The following HHAT variants were observed in gnomAD, a reference collection of about 807,000 sequenced individuals.
HHAT encodes hedgehog acyltransferase.
HHAT carries 47 observed loss-of-function variants against 70.8 expected under a neutral mutation model. The ratio of observed to expected loss-of-function variants is 0.66; its 90% confidence interval spans 0.53 to 0.85. HHAT has a LOEUF of 0.85. Among genes scored for constraint, HHAT ranks in the 40% least tolerant of loss-of-function variants. The pLI is 0.00. For synonymous variants in HHAT, 228 were observed against 247.6 expected (o/e 0.92, Z 0.74); for missense variants, 609 against 604.8 (o/e 1.01, Z -0.07).
chr1:210,521,214 A>C (rs1490622823), intron 9 of HHAT, among the ~76,000 whole-genome samples: 1 of 152,200 alleles, frequency 6.6e-6, no homozygotes, highest in Non-Finnish European at 1.5e-5. Context: ...TTTTGTTCTG[A>C]TGAGAGAGAA....
intron 7 of HHAT, among the ~76,000 whole-genome samples, chr1:210,441,837 T>C (rs1251036263): frequency 6.6e-6 from 1 of 151,468 alleles, no homozygotes; most frequent in African/African-American, 2.4e-5. Context: ...CACACACATA[T>C]ATACACACAC....
Position 210,436,024 on chromosome 1 carries a change from A to T in HHAT, c.856+17699A>T, listed in dbSNP as rs181959627. On this transcript the variant is annotated intron_variant, in intron 7 of 11. Coordinates refer to ENST00000261458, the MANE Select transcript of HHAT (RefSeq NM_018194.6). ...CCTGTGGTTTTGAGGCCTTGCCTAGAATCTTTGCCCAGACCAGTGTCCTGG... is the reference window on the plus strand; with the variant it reads ...CCTGTGGTTTTGAGGCCTTGCCTAGTATCTTTGCCCAGACCAGTGTCCTGG... 1.1e-3 allele frequency among the ~76,000 whole-genome samples: 163 copies of T among 151,958 alleles called. 3 individuals carry two copies. The highest frequency in any genetic ancestry group is 4.1e-3 in the Admixed American group (63 of 15,280).
intron 8 of HHAT, among the ~76,000 whole-genome samples, chr1:210,497,089 C>T (rs377501855): frequency 1.3e-5 from 2 of 152,076 alleles, no homozygotes. Context: ...TGAGTGTGGT[C>T]TGAGTAATGA....
intron 7 of HHAT, among the ~76,000 whole-genome samples, chr1:210,432,012 T>C (rs1477429090): frequency 6.6e-6 from 1 of 151,930 alleles, no homozygotes; most frequent in Non-Finnish European, 1.5e-5. Flanking sequence ...TTTGCAGTCC[T>C]ATTCTATATC....
intron 11 of HHAT, among the ~76,000 whole-genome samples, chr1:210,629,800 C>T (rs191245176): frequency 6.6e-6 from 1 of 151,594 alleles, no homozygotes; most frequent in Non-Finnish European, 1.5e-5. Flanking sequence ...ATATCTGCCT[C>T]TTGTCTTGCT....
At chr1:210,545,307 G>A (rs1229225249) in intron 9 of HHAT, among the ~76,000 whole-genome samples, 1 of 152,066 alleles carries the variant, frequency 6.6e-6, no homozygotes, top group Non-Finnish European at 1.5e-5. Flanking sequence ...TCCCTTGGAT[G>A]CCCATTTTCT....
intron 4 of HHAT, among the ~76,000 whole-genome samples, chr1:210,394,362 A>G (rs977122455): frequency 6.7e-6 from 1 of 149,456 alleles, no homozygotes; most frequent in Non-Finnish European, 1.5e-5. Context: ...GTGAGACTTC[A>G]TCAGGAGCCA....
intron 10 of HHAT, among the ~76,000 whole-genome samples, chr1:210,615,336 C>T (rs959627115): frequency 5.9e-5 from 9 of 152,110 alleles, no homozygotes; most frequent in South Asian, 2.1e-4. Flanking sequence ...GTTAGCCATT[C>T]GTCTAATCTT....
At chr1:210,414,771 G>A (rs1010706811) in intron 6 of HHAT, among the ~76,000 whole-genome samples, 3 of 152,068 alleles carry the variant, frequency 2.0e-5, no homozygotes, top group Non-Finnish European at 2.9e-5. Flanking sequence ...TAATCCTAGC[G>A]CTTTGGGAGG....
intron 9 of HHAT, among the ~76,000 whole-genome samples, chr1:210,540,471 G>GCA (rs71571954): frequency 2.8e-4 from 25 of 89,394 alleles, no homozygotes; most frequent in African/African-American, 8.6e-4. Flanking sequence ...ACACACACAC[G>GCA]CACACACATG....
intron 8 of HHAT, among the ~76,000 whole-genome samples, chr1:210,494,683 C>T (rs1005751261): frequency 6.7e-6 from 1 of 150,152 alleles, no homozygotes; most frequent in African/African-American, 2.5e-5. Flanking sequence ...TTCTGAGTAG[C>T]TGGGATTACA....
At chr1:210,612,043 T>G (rs973583236) in intron 10 of HHAT, among the ~76,000 whole-genome samples, 3 of 152,102 alleles carry the variant, frequency 2.0e-5, no homozygotes, top group Non-Finnish European at 2.9e-5. Flanking sequence ...AGAATGTATT[T>G]AGGCTCCTTT....
At chr1:210,348,380 C>T (rs1198579288) in intron 1 of HHAT, among the ~76,000 whole-genome samples, 1 of 152,168 alleles carries the variant, frequency 6.6e-6, no homozygotes, top group African/African-American at 2.4e-5. Flanking sequence ...GGATTACAGG[C>T]ATGAGCCACC....
chr1:210,674,212 G>T (rs956458834), intron 11 of HHAT, 76 bp from the exon 12 acceptor site: 1 of 1,242,430 alleles, frequency 8.0e-7, no homozygotes. Context: ...TCTCCAAAAG[G>T]GGACAGTTTG....
At chr1:210,599,338 C>A (rs1403494759) in intron 10 of HHAT, among the ~76,000 whole-genome samples, 1 of 152,198 alleles carries the variant, frequency 6.6e-6, no homozygotes, top group Non-Finnish European at 1.5e-5. Context: ...TCTGACCCTG[C>A]TGTTACTTGG....
intron 1 of HHAT, among the ~76,000 whole-genome samples, chr1:210,338,959 C>G (rs1198450746): frequency 1.3e-5 from 2 of 152,058 alleles, no homozygotes; most frequent in Non-Finnish European, 2.9e-5. Flanking sequence ...CACTTGAGCC[C>G]AGGAGTTAGA....
chr1:210,398,492 T>A (rs2091909521), intron 4 of HHAT, among the ~76,000 whole-genome samples: 1 of 152,142 alleles, frequency 6.6e-6, no homozygotes, highest in Non-Finnish European at 1.5e-5. Flanking sequence ...ACTGTTAAAT[T>A]CATCATAGTC....
chr1:210,360,609 C>T (rs1329946768), intron 2 of HHAT, among the ~76,000 whole-genome samples: 3 of 152,040 alleles, frequency 2.0e-5, no homozygotes, highest in African/African-American at 4.8e-5. Context: ...CGCGCCTGGC[C>T]GAGGACAGAT....
At chr1:210,507,359 CTTTTTTT>C (rs927392992) in intron 8 of HHAT, among the ~76,000 whole-genome samples, 24 of 122,528 alleles carry the variant, frequency 2.0e-4, no homozygotes, top group Non-Finnish European at 3.1e-4. Flanking sequence ...TTTCTTTTTT[CTTTTTTT>C]TTTTTTTTTT....
Sources: allele counts gnomAD v4.1 joint callset (sites outside exome capture counted in the v4.1 genomes callset), GRCh38; gene constraint gnomAD v4.1.1; transcripts MANE v1.5; gene names NCBI Gene and HGNC (gene_info 2026-07-23, HGNC 2026-07-21).